Variants in PTPRR observed in about 807,000 individuals in gnomAD.
PTPRR encodes the protein protein tyrosine phosphatase receptor type R, also known as receptor-type tyrosine-protein phosphatase R.
In PTPRR, 38 loss-of-function variants were observed where a neutral mutation model predicts 77.2. The ratio of observed to expected loss-of-function variants is 0.49; its 90% CI spans 0.38 to 0.65. The LOEUF is 0.65. Ranked by LOEUF, PTPRR falls within the 30% of genes least tolerant of loss-of-function variation. The pLI, the probability that PTPRR is intolerant of heterozygous loss-of-function variation, is 0.00. For missense variants in PTPRR, 744 were observed against 799.2 expected, an observed-to-expected ratio of 0.93 and a Z score of 0.83; for synonymous variants, 299 against 283.1, an observed-to-expected ratio of 1.06 and a Z score of -0.57.
At chr12:70,699,129 C>G (rs1326915694) in intron 7 of PTPRR, among the ~76,000 whole-genome samples, 5 of 152,140 alleles carry the variant, frequency 3.3e-5, no homozygotes, top group African/African-American at 9.7e-5. Context: ...AGGGTCCAAA[C>G]AAACATTTGT....
intron 1 of PTPRR, among the ~76,000 whole-genome samples, chr12:70,913,406 T>C (rs532331246): frequency 5.3e-5 from 8 of 152,300 alleles, no homozygotes; most frequent in African/African-American, 1.9e-4. Flanking sequence ...CACCTGATTT[T>C]GAATGTGTAA....
At chr12:70,880,588 A>G (rs11609457) in intron 2 of PTPRR, among the ~76,000 whole-genome samples, 18,465 of 152,126 alleles carry the variant, frequency 0.12, 2,065 homozygotes, top group African/African-American at 0.3. Context: ...TTCGATTAGA[A>G]TATAAACTAC....
At chr12:70,878,455 C>A (rs1893091207) in intron 2 of PTPRR, among the ~76,000 whole-genome samples, 1 of 152,206 alleles carries the variant, frequency 6.6e-6, no homozygotes, top group African/African-American at 2.4e-5. Context: ...TGAACAGACA[C>A]TTCTCAAAAG....
At chr12:70,746,830 A>G (rs1369653930) in intron 5 of PTPRR, among the ~76,000 whole-genome samples, 1 of 152,034 alleles carries the variant, frequency 6.6e-6, no homozygotes, top group East Asian at 1.9e-4. Context: ...CTAGAAATGC[A>G]TATTAAACAT....
At chr12:70,757,451 G>C (rs531840255) in intron 4 of PTPRR, among the ~76,000 whole-genome samples, 4 of 152,084 alleles carry the variant, frequency 2.6e-5, no homozygotes, top group Admixed American at 1.3e-4. Flanking sequence ...GGCAAGAGGA[G>C]GTCTAGTTTT....
At chr12:70,849,592 GT>G (rs1479501128) in intron 2 of PTPRR, among the ~76,000 whole-genome samples, 1 of 152,126 alleles carries the variant, frequency 6.6e-6, no homozygotes, top group African/African-American at 2.4e-5. Flanking sequence ...AAGGGGTTTT[GT>G]TTTTACATTA....
chr12:70,682,129 C>T (rs970232555), intron 10 of PTPRR, among the ~76,000 whole-genome samples: 2 of 147,662 alleles, frequency 1.4e-5, no homozygotes, highest in East Asian at 2.1e-4. Flanking sequence ...CTGCAAGCTC[C>T]GCCTCCCGGG....
At chr12:70,713,432 T>C (rs567630431) in intron 6 of PTPRR, among the ~76,000 whole-genome samples, 35 of 152,336 alleles carry the variant, frequency 2.3e-4, no homozygotes, top group Middle Eastern at 3.4e-3. Flanking sequence ...ATTTCTGGGT[T>C]ATATGGTAAC....
At chr12:70,865,516 G>A (rs901583144) in intron 2 of PTPRR, among the ~76,000 whole-genome samples, 9 of 152,162 alleles carry the variant, frequency 5.9e-5, no homozygotes, top group Non-Finnish European at 1.2e-4. Context: ...AGGTGTTGGT[G>A]GATTAAAGGC....
chr12:70,850,274 G>C (rs1397711198), intron 2 of PTPRR, among the ~76,000 whole-genome samples: 3 of 151,816 alleles, frequency 2.0e-5, no homozygotes, highest in Non-Finnish European at 4.4e-5. Context: ...AGGGAGAATT[G>C]CTTGAACCCA....
intron 7 of PTPRR, among the ~76,000 whole-genome samples, chr12:70,699,266 T>G (rs1285388826): frequency 6.6e-6 from 1 of 152,226 alleles, no homozygotes; most frequent in African/African-American, 2.4e-5. Flanking sequence ...ATATTTTTAC[T>G]ACTTAAACTT....
At chr12:70,913,848 T>C (rs1041584620) in intron 1 of PTPRR, among the ~76,000 whole-genome samples, 1 of 152,228 alleles carries the variant, frequency 6.6e-6, no homozygotes, top group Non-Finnish European at 1.5e-5. Flanking sequence ...TTTTAACAAA[T>C]ATATTTAATA....
rs1389502553 is a variant in PTPRR at position 70,661,086 on chromosome 12, G to A, written c.1620C>T (p.His540=). The change falls in exon 12 of 14, where the codon CAC becomes CAT. Residue 540 remains histidine, a synonymous_variant. Coordinates refer to ENST00000283228, the MANE Select transcript of PTPRR (RefSeq NM_002849.4). ...ACCAGTAATGCTTCACATGTTGGGT[G>A]TGGCTTCCTTGCTGAAAATAGCAAC... ...IRNLVLKQGS[H]TQHVKHYWYT... 6.2e-7 allele frequency: 1 copy of A among 1,609,756 alleles called. No individual in the cohort carries two copies. Among genetic ancestry groups the A allele is most frequent in the African/African-American group, 1.3e-5 (1 of 74,876 alleles).
chr12:70,697,229 C>A (rs1888260735), intron 8 of PTPRR, among the ~76,000 whole-genome samples: 1 of 152,128 alleles, frequency 6.6e-6, no homozygotes, highest in African/African-American at 2.4e-5. Context: ...TCCTTGCCAG[C>A]ATTTTTTATT....
At chr12:70,791,775 C>CA (rs892660821) in intron 2 of PTPRR, among the ~76,000 whole-genome samples, 3 of 151,872 alleles carry the variant, frequency 2.0e-5, no homozygotes, top group African/African-American at 4.8e-5. Flanking sequence ...TTTTAAGATA[C>CA]AAAAAAATGT....
intron 2 of PTPRR, among the ~76,000 whole-genome samples, chr12:70,774,576 G>A (rs1205343790): frequency 6.6e-6 from 1 of 152,174 alleles, no homozygotes; most frequent in African/African-American, 2.4e-5. Context: ...CTGGTTCATT[G>A]CATCAAAACA....
chr12:70,841,467 A>G (rs1342160254), intron 2 of PTPRR, among the ~76,000 whole-genome samples: 2 of 152,082 alleles, frequency 1.3e-5, no homozygotes, highest in Admixed American at 1.3e-4. Flanking sequence ...CCAGAAATGA[A>G]TGGTTACTAT....
At chr12:70,897,190 A>G (rs1480554938) in intron 1 of PTPRR, among the ~76,000 whole-genome samples, 1 of 152,062 alleles carries the variant, frequency 6.6e-6, no homozygotes, top group Non-Finnish European at 1.5e-5. Context: ...GCACAGCAAA[A>G]GAAACCACCA....
intron 2 of PTPRR, among the ~76,000 whole-genome samples, chr12:70,854,731 T>C (rs2137072796): frequency 6.6e-6 from 1 of 152,334 alleles, no homozygotes; most frequent in South Asian, 2.1e-4. Flanking sequence ...ACTGTGTGAC[T>C]GGGCAATGTC....
Sources: allele counts gnomAD v4.1 joint callset (sites outside exome capture counted in the v4.1 genomes callset), GRCh38; gene constraint gnomAD v4.1.1; transcripts MANE v1.5; gene names NCBI Gene and HGNC (gene_info 2026-07-23, HGNC 2026-07-21).